The following EIF3B variants were observed in gnomAD, a reference collection of about 807,000 sequenced individuals.
EIF3B encodes eukaryotic translation initiation factor 3 subunit 9.
Under a neutral mutation model 104.6 loss-of-function variants are expected in EIF3B, and 10 were observed. That is an observed-to-expected ratio of 0.10 (90% confidence interval 0.06 to 0.16). EIF3B has a LOEUF of 0.16. Among genes scored for constraint, EIF3B ranks in the 10% least tolerant of loss-of-function variants. The pLI is 1.00. For synonymous variants in EIF3B, 542 were observed against 417.2 expected, an observed-to-expected ratio of 1.30 and a Z score of -3.65; for missense variants, 1,014 against 1,087.9, an observed-to-expected ratio of 0.93 and a Z score of 0.96.
chr7:2,369,984 C>A (rs1780237639), intron 10 of EIF3B, among the ~76,000 whole-genome samples: 1 of 151,830 alleles, frequency 6.6e-6, no homozygotes, highest in South Asian at 2.1e-4. Flanking sequence ...ACCATGTTGG[C>A]CAGGCTGGTC....
At chr7:2,358,010 T>C (rs1779544206) in intron 1 of EIF3B, among the ~76,000 whole-genome samples, 2 of 65,480 alleles carry the variant, frequency 3.1e-5, no homozygotes, top group African/African-American at 8.3e-5. Context: ...CAACTGCCTT[T>C]TTCCCTTTTT....
In EIF3B at chr7:2,357,493, C is replaced by T. The variant is rs1045641011; in HGVS notation, c.499+2073C>T. On this transcript the variant is annotated intron_variant, in intron 1 of 18. Coordinates refer to ENST00000360876, the MANE Select transcript of EIF3B (RefSeq NM_001037283.2). ...GGGCCAAGTCTTCCAAGGAGCAGGC[C>T]AGAGGTGGCCTGGAGTCCCTGTCTT... Among the ~76,000 whole-genome samples the T allele has an allele frequency of 3.9e-5, 6 of 152,348 alleles. No homozygotes were observed. The East Asian group carries it at 9.6e-4, about 24-fold the overall frequency.
intron 9 of EIF3B, among the ~76,000 whole-genome samples, chr7:2,368,501 C>G (rs1218654979): frequency 6.6e-6 from 1 of 152,234 alleles, no homozygotes; most frequent in African/African-American, 2.4e-5. Context: ...CAGTGGGCAG[C>G]AAGGCTGCTC....
intron 15 of EIF3B, chr7:2,377,914 G>A (rs1164677353): frequency 8.5e-5 from 3 of 35,234 alleles, no homozygotes; most frequent in African/African-American, 4.4e-4. Context: ...CCTGGGTGTC[G>A]AGGAAGGAGA....
chr7:2,356,602 CAA>C (rs558863981), intron 1 of EIF3B, among the ~76,000 whole-genome samples: 10 of 90,278 alleles, frequency 1.1e-4, no homozygotes, highest in Non-Finnish European at 1.6e-4. Flanking sequence ...GACTCCGTCT[CAA>C]AAAAAAAAAA....
intron 11 of EIF3B, 96 bp downstream of exon 11, chr7:2,371,945 T>C: frequency 9.9e-7 from 1 of 1,006,692 alleles, no homozygotes; most frequent in Non-Finnish European, 1.6e-6. Flanking sequence ...TCTGAGCAGC[T>C]GAGTCAGGAC....
At chr7:2,364,865 T>G (rs571140140) in intron 6 of EIF3B, among the ~76,000 whole-genome samples, 1 of 152,378 alleles carries the variant, frequency 6.6e-6, no homozygotes, top group Admixed American at 6.5e-5. Context: ...CTTCAATGTA[T>G]TGCCATATTC....
intron 15 of EIF3B, among the ~76,000 whole-genome samples, chr7:2,377,428 G>T (rs1780694304): frequency 1.3e-5 from 2 of 152,246 alleles, no homozygotes; most frequent in South Asian, 4.1e-4. Flanking sequence ...AAAGAGGAGG[G>T]TTAAATCCCA....
At position 2,379,163 on chromosome 7, in the gene EIF3B, G is replaced by A; in HGVS notation, c.2262G>A (p.Met754Ile). The A allele has an allele frequency of 6.2e-7, 1 of 1,614,018 alleles. No homozygotes were observed. The highest frequency in any genetic ancestry group is 1.3e-5 in the African/African-American group (1 of 75,030). Residue 754 changes from methionine (M) to isoleucine (I), a missense_variant, in exon 17 of 19, where the codon ATG becomes ATA. Met to Ile is a conservative substitution (Grantham distance 10). This residue lies in a region of EIF3B where 266 missense variants were observed against 324.0 expected (regional missense o/e 0.82). Coordinates refer to ENST00000360876, the MANE Select transcript of EIF3B (RefSeq NM_001037283.2). ...KELVERRRTMMEDFRKYRKMA... is the reference protein window; with the variant it reads ...KELVERRRTMIEDFRKYRKMA... ...TGGTGGAGAGAAGGCGCACCATGAT[G>A]GAAGATTTCCGGAAGTACCGGAAAA... is the stretch of plus-strand genomic sequence containing the variant.
intron 11 of EIF3B, 166 bp downstream of exon 11, chr7:2,372,015 A>G: frequency 1.6e-6 from 1 of 617,376 alleles, no homozygotes; most frequent in Non-Finnish European, 2.9e-6. Context: ...GAGCCTGGGC[A>G]ACATAGTGAG....
intron 1 of EIF3B, among the ~76,000 whole-genome samples, chr7:2,357,495 G>T (rs1005621387): frequency 6.6e-6 from 1 of 152,246 alleles, no homozygotes; most frequent in African/African-American, 2.4e-5. Context: ...GAGCAGGCCA[G>T]AGGTGGCCTG....
At chr7:2,371,752 C>T (rs777608691) in intron 10 of EIF3B, 25 bp from the exon 11 acceptor site, 1 of 1,563,842 alleles carries the variant, frequency 6.4e-7, no homozygotes, top group South Asian at 1.1e-5. Context: ...CAGAATGTCA[C>T]CCCTTCCCCC....
intron 14 of EIF3B, chr7:2,376,045 T>G (rs1346378006): frequency 6.4e-6 from 1 of 156,558 alleles, no homozygotes; most frequent in African/African-American, 2.4e-5. Flanking sequence ...GTAATTTTGT[T>G]TAATGAGATA....
rs568949284 is a variant in EIF3B at position 2,361,621 on chromosome 7, A to G, written c.692+719A>G. On this transcript the variant is annotated intron_variant, in intron 2 of 18. Transcript: ENST00000360876. Reference sequence around the variant, plus strand: ...TTTTTAGTAGAGACGGGGTTTCACCATGTTAGCCAGAATGGTCTCGATCTC... The same window carrying G: ...TTTTTAGTAGAGACGGGGTTTCACCGTGTTAGCCAGAATGGTCTCGATCTC... Among the ~76,000 whole-genome samples the G allele has an allele frequency of 9.8e-4, 149 of 151,816 alleles. 1 individual carries two copies. In the South Asian group the frequency reaches 0.02, roughly 20 times the overall value.
chr7:2,363,079 G>T lies in EIF3B; in HGVS notation c.822G>T (p.Thr274=), dbSNP rs370385949. ...NLFTDFDKYM[T]ISDEWDIPEK... Reference sequence around the variant, plus strand: ...CTCCTTTCTTCTCCAGGTATATGACGATCAGTGACGAGTGGGATATTCCAG... The same window carrying T: ...CTCCTTTCTTCTCCAGGTATATGACTATCAGTGACGAGTGGGATATTCCAG... The change falls in exon 4 of 19, where the codon ACG becomes ACT. Residue 274 remains threonine, a synonymous_variant. Coordinates refer to ENST00000360876, the MANE Select transcript of EIF3B (RefSeq NM_001037283.2). 1.4e-4 allele frequency: 228 copies of T among 1,613,934 alleles called. 1 individual carries two copies. Among genetic ancestry groups the T allele is most frequent in the Non-Finnish European group, 1.8e-4 (218 of 1,180,026 alleles).
intron 12 of EIF3B, 174 bp from the exon 13 acceptor site, chr7:2,374,354 C>T: frequency 1.7e-6 from 1 of 574,822 alleles, no homozygotes; most frequent in Non-Finnish European, 3.1e-6. Flanking sequence ...AAGTATGGAT[C>T]ATGACTTAGG....
At chr7:2,380,134 G>C (rs966711966) in intron 18 of EIF3B, 70 bp from the exon 19 acceptor site, 1 of 330,044 alleles carries the variant, frequency 3.0e-6, no homozygotes, top group Non-Finnish European at 6.0e-6. Flanking sequence ...TCAGCCCCAA[G>C]GCGATGTTCA....
chr7:2,354,780 G>GCGCCCCC (rs1779287833), upstream of EIF3B: 2 of 805,110 alleles, frequency 2.5e-6, no homozygotes, highest in Non-Finnish European at 3.0e-6. Context: ...GGGCGTGGGT[G>GCGCCCCC]CGCCCCCCGC....
intron 2 of EIF3B, among the ~76,000 whole-genome samples, chr7:2,361,531 C>T (rs1161570802): frequency 2.0e-5 from 3 of 150,088 alleles, no homozygotes; most frequent in South Asian, 2.1e-4. Context: ...ACTATTCTCC[C>T]GCCTCAGCCT....
Sources: gnomAD v4.1 joint callset for allele counts (sites outside exome capture counted in the v4.1 genomes callset) on GRCh38, gnomAD v4.1.1 for gene constraint, gnomAD v4.1.1 regional missense constraint, MANE v1.5 for transcripts, NCBI Gene and HGNC (gene_info 2026-07-23, HGNC 2026-07-21) for gene names.